The following RPN1 variants were observed in gnomAD, a reference collection of about 807,000 sequenced individuals.
The protein encoded by RPN1 is dolichyl-diphosphooligosaccharide--protein glycosyltransferase subunit 1.
In RPN1, 12 loss-of-function variants were observed where a neutral mutation model predicts 55.5. That is an observed-to-expected ratio of 0.22 (90% confidence interval 0.14 to 0.35). The LOEUF (loss-of-function observed/expected upper bound fraction) is 0.35. Ranked by LOEUF, RPN1 falls within the 10% of genes least tolerant of loss-of-function variation. The pLI is 1.00. For synonymous variants in RPN1, 317 were observed against 305.9 expected (o/e 1.04, Z -0.38); for missense variants, 679 against 761.3 (o/e 0.89, Z 1.27).
intron 1 of RPN1, among the ~76,000 whole-genome samples, chr3:128,647,586 G>T (rs77512630): frequency 0.016 from 2,366 of 152,004 alleles, 62 homozygotes; most frequent in African/African-American, 0.052. Context: ...TAGCTACTCA[G>T]GGGGCTAGGT....
At chr3:128,621,226 C>T (rs963833212) in intron 9 of RPN1, among the ~76,000 whole-genome samples, 5 of 152,154 alleles carry the variant, frequency 3.3e-5, no homozygotes, top group Admixed American at 1.3e-4. Flanking sequence ...AAGTGGTAGG[C>T]GTGGGCCAGA....
At chr3:128,644,798 A>C (rs2069754550) in intron 2 of RPN1, 121 bp downstream of exon 2, 1 of 677,158 alleles carries the variant, frequency 1.5e-6, no homozygotes, top group African/African-American at 1.8e-5. Context: ...CTCTCTACAA[A>C]AAAAAAACCC....
chr3:128,630,543 T>G (rs2107715570), intron 4 of RPN1, among the ~76,000 whole-genome samples: 1 of 152,328 alleles, frequency 6.6e-6, no homozygotes, highest in African/African-American at 2.4e-5. Context: ...TACTTTATTG[T>G]ATCTTCCAAA....
intron 2 of RPN1, among the ~76,000 whole-genome samples, chr3:128,641,339 G>A (rs908784705): frequency 1.1e-4 from 16 of 152,196 alleles, no homozygotes; most frequent in African/African-American, 2.9e-4. Context: ...TGGGCTTTAA[G>A]GATAAAGCCC....
At chr3:128,625,798 A>G in intron 7 of RPN1, 76 bp downstream of exon 7, 1 of 1,557,686 alleles carries the variant, frequency 6.4e-7, no homozygotes, top group Non-Finnish European at 8.7e-7. Flanking sequence ...AAGGAGGGAC[A>G]GAAGGTGAGT....
chr3:128,642,136 G>A (rs978144701), intron 2 of RPN1, among the ~76,000 whole-genome samples: 1 of 152,170 alleles, frequency 6.6e-6, no homozygotes, highest in African/African-American at 2.4e-5. Context: ...CAGCCTCAGA[G>A]AGGGAGAGGA....
At chr3:128,634,379 T>C (rs564329285) in intron 3 of RPN1, among the ~76,000 whole-genome samples, 11 of 152,046 alleles carry the variant, frequency 7.2e-5, no homozygotes, top group Admixed American at 3.9e-4. Flanking sequence ...GTAAAATGTT[T>C]AGAGAATATT....
At chr3:128,648,421 C>T (rs1462014926) in intron 1 of RPN1, among the ~76,000 whole-genome samples, 1 of 151,590 alleles carries the variant, frequency 6.6e-6, no homozygotes, top group Non-Finnish European at 1.5e-5. Context: ...ATTAGCCAGG[C>T]GTGGTGGCAT....
At chr3:128,630,303 C>G (rs1460155578) in intron 4 of RPN1, among the ~76,000 whole-genome samples, 160 bp from the exon 5 acceptor site, 1 of 152,186 alleles carries the variant, frequency 6.6e-6, no homozygotes, top group Non-Finnish European at 1.5e-5. Flanking sequence ...ACTTTCCCCA[C>G]AAAGGTTTGC....
At chr3:128,645,655 A>G (rs920405343) in intron 1 of RPN1, among the ~76,000 whole-genome samples, 2 of 151,306 alleles carry the variant, frequency 1.3e-5, no homozygotes, top group Non-Finnish European at 2.9e-5. Flanking sequence ...CGTCTCTACG[A>G]AAAATACAAA....
intron 2 of RPN1, among the ~76,000 whole-genome samples, chr3:128,642,889 G>C (rs554389136): frequency 1.3e-5 from 2 of 151,838 alleles, no homozygotes; most frequent in East Asian, 1.9e-4. Flanking sequence ...GTGGTAGCAC[G>C]CGCCTTAATC....
intron 1 of RPN1, among the ~76,000 whole-genome samples, chr3:128,648,366 G>A (rs554325753): frequency 5.9e-5 from 9 of 152,112 alleles, no homozygotes; most frequent in African/African-American, 1.9e-4. Context: ...CCGCACTCCA[G>A]CCTGGCGACA....
chr3:128,630,335 G>A (rs1301871600), intron 4 of RPN1, among the ~76,000 whole-genome samples, 192 bp from the exon 5 acceptor site: 2 of 152,202 alleles, frequency 1.3e-5, no homozygotes, highest in Non-Finnish European at 2.9e-5. Context: ...AATCAAGGGT[G>A]CTAACTACCC....
In RPN1 at chr3:128,622,174, A is replaced by C. The variant is rs748994971; in HGVS notation, c.1631T>G (p.Leu544Arg). Residue 544 changes from leucine (L) to arginine (R), a missense_variant, in exon 9 of 10, where the codon CTG becomes CGG. Around this residue, in one of 3 missense-constraint regions of RPN1, gnomAD observed 306 missense variants for 360.0 expected, o/e 0.85. Coordinates refer to ENST00000296255, the MANE Select transcript of RPN1 (RefSeq NM_002950.4). ...ACGCCCGACACTTACTCTGTCGCAC[A>C]GATCAGAGCCCTCTGTCTTCAGCCT... ...QSRLKTEGSD[L>R]CDRVSEMQKL... 6.2e-7 allele frequency: 1 copy of C among 1,614,206 alleles called. No individual in the cohort carries two copies. Among genetic ancestry groups the C allele is most frequent in the Non-Finnish European group, 8.5e-7 (1 of 1,180,018 alleles).
intron 1 of RPN1, among the ~76,000 whole-genome samples, chr3:128,646,802 A>G (rs1243039878): frequency 6.6e-6 from 1 of 151,564 alleles, no homozygotes; most frequent in African/African-American, 2.4e-5. Context: ...GTGAAACCCC[A>G]TCTCTACTAA....
intron 3 of RPN1, among the ~76,000 whole-genome samples, chr3:128,633,577 G>A (rs1208786514): frequency 6.6e-6 from 1 of 151,948 alleles, no homozygotes. Context: ...AAAATCCTGA[G>A]AATACAAAAA....
At chr3:128,649,049 G>C (rs1025489254) in intron 1 of RPN1, among the ~76,000 whole-genome samples, 1 of 152,158 alleles carries the variant, frequency 6.6e-6, no homozygotes, top group Non-Finnish European at 1.5e-5. Flanking sequence ...ACACAGTAGA[G>C]TCCCAGTAAG....
chr3:128,640,075 G>C (rs753630045), intron 2 of RPN1, among the ~76,000 whole-genome samples: 54 of 152,124 alleles, frequency 3.5e-4, no homozygotes, highest in Admixed American at 2.8e-3. Flanking sequence ...GGGAGGCTGA[G>C]ACAGGAGAAT....
chr3:128,629,351 A>G (rs949383812), intron 5 of RPN1, among the ~76,000 whole-genome samples: 8 of 152,182 alleles, frequency 5.3e-5, no homozygotes, highest in African/African-American at 1.2e-4. Flanking sequence ...ACCTGAGGTC[A>G]GGAGTTCAAG....
Sources: gnomAD v4.1 joint callset for allele counts (sites outside exome capture counted in the v4.1 genomes callset) on GRCh38, gnomAD v4.1.1 for gene constraint, gnomAD v4.1.1 regional missense constraint, MANE v1.5 for transcripts, NCBI Gene and HGNC (gene_info 2026-07-23, HGNC 2026-07-21) for gene names.